Variants in NTRK3 observed in about 807,000 individuals in gnomAD.
NTRK3 encodes neurotrophic receptor tyrosine kinase 3.
Under a neutral mutation model 91.7 loss-of-function variants are expected in NTRK3, and 24 were observed. That is an observed-to-expected ratio of 0.26 (90% confidence interval 0.19 to 0.37). The LOEUF is 0.37. NTRK3 is among the 10% of genes least tolerant of loss of function. NTRK3 has a pLI of 1.00. For missense variants in NTRK3, 880 were observed against 1,068.9 expected (o/e 0.82, Z 2.46); for synonymous variants, 483 against 404.0 (o/e 1.20, Z -2.34).
chr15:87,925,452 C>CACACACAT (rs1463617423), intron 17 of NTRK3: 1 of 194,124 alleles, frequency 5.2e-6, no homozygotes, highest in Non-Finnish European at 1.1e-5. Flanking sequence ...CACACACACA[C>CACACACAT]ACACACACAC....
chr15:87,860,713 C>T (rs1040397079), exon 19 of NTRK3: 3 of 209,614 alleles, frequency 1.4e-5, no homozygotes, highest in African/African-American at 2.3e-5. Context: ...TCTACTAAAA[C>T]CTCAGTCACT....
chr15:88,010,027 A>C (rs187809368), intron 14 of NTRK3, among the ~76,000 whole-genome samples: 136 of 152,302 alleles, frequency 8.9e-4, no homozygotes, highest in African/African-American at 3.2e-3. Context: ...CTTGCCCCCA[A>C]ATCTCTTTCA....
intron 3 of NTRK3, among the ~76,000 whole-genome samples, chr15:88,247,163 G>A (rs1347890711): frequency 6.6e-6 from 1 of 152,210 alleles, no homozygotes; most frequent in African/African-American, 2.4e-5. Context: ...GCAGGTAGCC[G>A]GGTTTAGGAC....
chr15:88,042,533 G>A (rs1406076592), intron 13 of NTRK3, among the ~76,000 whole-genome samples: 1 of 152,138 alleles, frequency 6.6e-6, no homozygotes, highest in Non-Finnish European at 1.5e-5. Context: ...TCCTCTCCCT[G>A]AATCATTTCC....
intron 3 of NTRK3, among the ~76,000 whole-genome samples, chr15:88,228,624 G>A (rs191782879): frequency 1.5e-4 from 23 of 152,236 alleles, no homozygotes; most frequent in African/African-American, 5.1e-4. Flanking sequence ...AAAACCCACA[G>A]CACATGACCC....
chr15:88,142,471 T>C (rs368473942), intron 6 of NTRK3, among the ~76,000 whole-genome samples: 7 of 152,352 alleles, frequency 4.6e-5, no homozygotes, highest in African/African-American at 1.7e-4. Context: ...AGGCCACCAC[T>C]GGATATTTAG....
intron 13 of NTRK3, among the ~76,000 whole-genome samples, chr15:88,093,706 T>C (rs965999774): frequency 2.6e-5 from 4 of 152,164 alleles, no homozygotes; most frequent in African/African-American, 9.7e-5. Context: ...TAATCTGCCA[T>C]GAGCACTATG....
intron 5 of NTRK3, among the ~76,000 whole-genome samples, chr15:88,177,764 T>G (rs1322002979): frequency 6.6e-6 from 1 of 152,260 alleles, no homozygotes. Context: ...CTCTTCCAGC[T>G]TTAACTATCT....
intron 17 of NTRK3, among the ~76,000 whole-genome samples, chr15:87,905,770 C>A (rs1297121403): frequency 1.3e-5 from 2 of 152,190 alleles, no homozygotes; most frequent in African/African-American, 2.4e-5. Context: ...GTCCCTCCTT[C>A]CAACGTGCGT....
rs553225770 is a variant in NTRK3 at position 88,233,618 on chromosome 15, T to C, written c.248+22288A>G. ...CTACTGTCCTGAAACTCCAAAACTC[T>C]CTTCCTTCCACAAAAACCAAATGCA... On this transcript the variant is annotated intron_variant, in intron 3 of 18. Coordinates refer to ENST00000394480, the Ensembl canonical transcript of NTRK3. This position sits in a 1 kb window ranked among gnomAD's most constrained non-coding sequence, Gnocchi z 4.2. Among the ~76,000 whole-genome samples the C allele has an allele frequency of 1.3e-5, 2 of 152,202 alleles. No individual in the cohort carries two copies. Among genetic ancestry groups the C allele is most frequent in the South Asian group, 4.1e-4 (2 of 4,828 alleles).
chr15:87,877,186 C>G (rs1001189314), intron 18 of NTRK3, 66 bp from the exon 20 acceptor site: 11 of 1,544,444 alleles, frequency 7.1e-6, no homozygotes, highest in Non-Finnish European at 9.8e-6. Flanking sequence ...GGCTCAGACT[C>G]GGCAAAAAGC....
At chr15:87,961,122 T>C (rs2072243048) in intron 14 of NTRK3, among the ~76,000 whole-genome samples, 1 of 152,134 alleles carries the variant, frequency 6.6e-6, no homozygotes, top group African/African-American at 2.4e-5. Context: ...TGAGATGGGG[T>C]ACTCACTTAT....
chr15:87,981,046 C>A lies in NTRK3; in HGVS notation c.1586-40293G>T, dbSNP rs183511796. 1.2e-4 allele frequency among the ~76,000 whole-genome samples: 18 copies of A among 152,278 alleles called. 1 individual carries two copies. The East Asian group carries it at 2.3e-3, about 20-fold the overall frequency. On this transcript the variant is annotated intron_variant, in intron 14 of 18. Transcript: ENST00000394480. ...CCTAGGCCCTATGAAGCTTCCTCCC[C>A]TGGAAGACACTCCTTTAATTTAAGG...
intron 13 of NTRK3, among the ~76,000 whole-genome samples, chr15:88,105,188 C>A (rs2050571827): frequency 6.6e-6 from 1 of 152,214 alleles, no homozygotes; most frequent in African/African-American, 2.4e-5. Flanking sequence ...TGATTGTCAA[C>A]CACGGCTCCT....
chr15:88,028,319 G>T (rs181442008), intron 14 of NTRK3, among the ~76,000 whole-genome samples: 119 of 152,280 alleles, frequency 7.8e-4, no homozygotes, highest in Non-Finnish European at 1.3e-3. Flanking sequence ...TAAAAGAAAG[G>T]CTGACACAAA....
At chr15:88,195,349 T>C (rs1467968843) in intron 3 of NTRK3, among the ~76,000 whole-genome samples, 1 of 152,262 alleles carries the variant, frequency 6.6e-6, no homozygotes, top group East Asian at 1.9e-4. Context: ...ACCTGTCTTA[T>C]TCACTATTGT....
intron 3 of NTRK3, among the ~76,000 whole-genome samples, chr15:88,201,946 C>T (rs1027074965): frequency 6.6e-6 from 1 of 152,138 alleles, no homozygotes; most frequent in African/African-American, 2.4e-5. Flanking sequence ...AAGTCACTCT[C>T]TCTTCTATTT....
rs1227526287 is a variant in NTRK3, at chr15:87,933,065, G to A, written c.1836C>T (p.Pro612=). ...TCATGTATTCAAAGACCATGATGAG[G>A]GGGTCCCCATCGCCGCACACTCCAT... The change falls in exon 16 of 19, where the codon CCC becomes CCT. Residue 612 remains proline, a synonymous_variant. Coordinates refer to ENST00000394480, the Ensembl canonical transcript of NTRK3. 1.9e-6 allele frequency: 3 copies of A among 1,613,938 alleles called. No homozygotes were observed. The African/African-American group carries it at 4.0e-5, about 22-fold the overall frequency.
At chr15:88,143,738 C>T (rs766563917) in intron 6 of NTRK3, among the ~76,000 whole-genome samples, 22 of 152,084 alleles carry the variant, frequency 1.4e-4, no homozygotes, top group Non-Finnish European at 2.5e-4. Flanking sequence ...TCTCCAAGAA[C>T]GGTAGAAAGT....
Sources: allele counts gnomAD v4.1 joint callset (sites outside exome capture counted in the v4.1 genomes callset), GRCh38; gene constraint gnomAD v4.1.1; non-coding constraint Gnocchi (gnomAD v3.1); transcripts MANE v1.5; gene names NCBI Gene and HGNC (gene_info 2026-07-23, HGNC 2026-07-21).